Variants in WNT7B observed in about 807,000 individuals in gnomAD.
WNT7B encodes the protein Wnt family member 7B.
WNT7B carries 19 observed loss-of-function variants against 38.2 expected under a neutral mutation model. The ratio of observed to expected loss-of-function variants is 0.50; its 90% CI spans 0.35 to 0.73. WNT7B has a LOEUF of 0.73. Ranked by LOEUF, WNT7B falls within the 30% of genes least tolerant of loss-of-function variation. The pLI is 0.01. For synonymous variants in WNT7B, 243 were observed against 209.3 expected (o/e 1.16, Z -1.39); for missense variants, 423 against 507.9 (o/e 0.83, Z 1.61).
intron 1 of WNT7B, among the ~76,000 whole-genome samples, chr22:45,957,771 T>A (rs1932106976): frequency 6.7e-6 from 1 of 150,152 alleles, no homozygotes; most frequent in African/African-American, 2.4e-5. Context: ...GTGTGCTTTG[T>A]ATGTGCCTAG....
In WNT7B at chr22:45,968,164, GTCT is replaced by G. The variant is rs1396995285; in HGVS notation, c.71+8517_71+8519del. 2.7e-3 allele frequency among the ~76,000 whole-genome samples: 405 copies of G among 152,278 alleles called. 3 individuals are homozygous for G. The highest frequency in any genetic ancestry group is 9.5e-3 in the African/African-American group (393 of 41,546). On this transcript the variant is annotated intron_variant, in intron 1 of 3. Transcript: ENST00000339464. Reference sequence around the variant, plus strand: ...GGGGTCTCTTTCATGTGCCTGTTTAGTCTGGCCAACTCCTATCCATCCTTCAAA... The same window carrying G: ...GGGGTCTCTTTCATGTGCCTGTTTAGGGCCAACTCCTATCCATCCTTCAAA...
Position 45,950,037 on chromosome 22 carries a change from C to A in WNT7B, c.181G>T (p.Val61Leu). Reference protein sequence around the residue: ...ICQSRPDAIIVIGEGAQMGIN... With the variant: ...ICQSRPDAIILIGEGAQMGIN... ...CCCATCTGCGCCCCCTCCCCAATCA[C>A]AATGATGGCATCGGGCCGACTCTGG... The change falls in exon 2 of 4, where the codon GTG (valine) becomes TTG (leucine). Residue 61 changes from valine to leucine, a missense_variant. Physicochemically the swap from Val to Leu is conservative, Grantham distance 32 (BLOSUM62 1). Transcript: ENST00000339464. 2.5e-6 allele frequency: 4 copies of A among 1,614,052 alleles called. No homozygotes were observed. Among genetic ancestry groups the A allele is most frequent in the Non-Finnish European group, 3.4e-6 (4 of 1,180,044 alleles).
chr22:45,926,970 A>AG, intron 3 of WNT7B: 1 of 985,446 alleles, frequency 1.0e-6, no homozygotes, highest in Non-Finnish European at 1.2e-6. Context: ...TGGCCAGCTA[A>AG]GGGGGTTCCC....
chr22:45,955,823 C>T (rs1395124238), intron 1 of WNT7B, among the ~76,000 whole-genome samples: 2 of 152,138 alleles, frequency 1.3e-5, no homozygotes, highest in African/African-American at 2.4e-5. Flanking sequence ...CTCCTCATTC[C>T]CCAGGGACTG....
intron 1 of WNT7B, among the ~76,000 whole-genome samples, chr22:45,974,718 C>A (rs1932517031): frequency 6.6e-6 from 1 of 152,124 alleles, no homozygotes; most frequent in Non-Finnish European, 1.5e-5. Context: ...TTACCCCCTC[C>A]CAGAGGGAGG....
chr22:45,931,449 G>C (rs1363673118), intron 2 of WNT7B, 80 bp from the exon 3 acceptor site: 15 of 1,435,390 alleles, frequency 1.0e-5, no homozygotes, highest in South Asian at 1.4e-5. Context: ...GCCGGGCCTC[G>C]ATCCACCTGC....
chr22:45,928,229 T>TGGTACTCTGTGATGGGGCTA (rs1931155464), intron 3 of WNT7B, among the ~76,000 whole-genome samples: 1 of 152,060 alleles, frequency 6.6e-6, no homozygotes, highest in South Asian at 2.1e-4. Context: ...GGGGCAGGCC[T>TGGTACTCTGTGATGGGGCTA]GGTACTCTGT....
rs28473261 is a variant in WNT7B at position 45,932,606 on chromosome 22, C to T, written c.299-1237G>A. ...ATCTCCAGGCCAGGCCCTGTGCATC[C>T]TTCCATCCTGGCTCTGGACTCTTGG... On this transcript the variant is annotated intron_variant, in intron 2 of 3. Transcript: ENST00000339464. Among the ~76,000 whole-genome samples the T allele has an allele frequency of 1.6e-4, 24 of 152,262 alleles. No individual in the cohort carries two copies. The East Asian group carries it at 4.5e-3, about 28-fold the overall frequency.
chr22:45,964,313 G>A lies in WNT7B; in HGVS notation c.71+12371C>T, dbSNP rs1210414110. On this transcript the variant is annotated intron_variant, in intron 1 of 3. Coordinates refer to ENST00000339464, the MANE Select transcript of WNT7B (RefSeq NM_058238.3). ...GCTCAGAAAGGTGTGCCCAACATGC[G>A]ACTCCATCCCCAGGGCAGTGCTACC... Among the ~76,000 whole-genome samples, 6 of 152,110 alleles carry A rather than the reference G, an allele frequency of 3.9e-5. No homozygotes were observed. The East Asian group carries it at 9.6e-4, about 24-fold the overall frequency.
chr22:45,944,317 C>T (rs1931742660), intron 2 of WNT7B, among the ~76,000 whole-genome samples: 2 of 152,224 alleles, frequency 1.3e-5, no homozygotes, highest in African/African-American at 2.4e-5. Context: ...GCCCACAGGG[C>T]CTCCATGCCA....
rs1931454462 is a variant in WNT7B, at chr22:45,934,224, G to A, written c.299-2855C>T. Among the ~76,000 whole-genome samples, 7 of 152,332 alleles carry A rather than the reference G, an allele frequency of 4.6e-5. No homozygotes were observed. The South Asian group carries it at 1.4e-3, about 32-fold the overall frequency. ...AGGCTGACGGAGGAGCAAAGTGCCTGGGGTCGGGGGCCCTGGAAGGTCCTT... is the reference window on the plus strand; with the variant it reads ...AGGCTGACGGAGGAGCAAAGTGCCTAGGGTCGGGGGCCCTGGAAGGTCCTT... On this transcript the variant is annotated intron_variant, in intron 2 of 3. Coordinates refer to ENST00000339464, the MANE Select transcript of WNT7B (RefSeq NM_058238.3).
At chr22:45,959,001 C>T (rs1284033589) in intron 1 of WNT7B, among the ~76,000 whole-genome samples, 3 of 152,210 alleles carry the variant, frequency 2.0e-5, no homozygotes, top group African/African-American at 7.2e-5. Flanking sequence ...TCCGAGCCCC[C>T]ATAGCTGGGT....
chr22:45,931,164 G>C lies in WNT7B; in HGVS notation c.504C>G (p.Asp168Glu). The C allele has an allele frequency of 1.3e-6, 2 of 1,599,474 alleles. No individual in the cohort carries two copies. Among genetic ancestry groups the C allele is most frequent in the Non-Finnish European group, 1.7e-6 (2 of 1,179,368 alleles). The change falls in exon 3 of 4, where the codon GAC becomes GAG. Residue 168 changes from aspartate (D) to glutamate (E), a missense_variant. Around this residue, in one of 3 missense-constraint regions of WNT7B, gnomAD observed 132 missense variants for 113.4 expected, o/e 1.16. Transcript: ENST00000339464. ...GCGCGTTCTTCTTGATCTCCCGAGC[G>C]TCCACGAAGCGCCGGGAGAAGTCGA... ...YGIDFSRRFV[D>E]AREIKKNARR...
At chr22:45,937,738 G>A (rs960065659) in intron 2 of WNT7B, among the ~76,000 whole-genome samples, 14 of 152,330 alleles carry the variant, frequency 9.2e-5, no homozygotes, top group East Asian at 5.8e-4. Context: ...CGGGCACAGC[G>A]GCTCACGCCT....
intron 1 of WNT7B, among the ~76,000 whole-genome samples, chr22:45,963,406 A>T (rs1224636318): frequency 1.3e-5 from 2 of 152,092 alleles, no homozygotes; most frequent in Non-Finnish European, 2.9e-5. Flanking sequence ...TCTGCCTCTC[A>T]TCAGCCTGGC....
chr22:45,949,819 A>T, intron 2 of WNT7B, 101 bp downstream of exon 2: 3 of 1,158,916 alleles, frequency 2.6e-6, no homozygotes, highest in South Asian at 3.1e-5. Context: ...CCCCCAGGAG[A>T]TGTGTGCAGA....
chr22:45,925,268 T>G (rs1601713383), intron 3 of WNT7B: 3 of 984,990 alleles, frequency 3.0e-6, no homozygotes, highest in Non-Finnish European at 3.6e-6. Flanking sequence ...GGCAGGTGGG[T>G]GCCGGGTGGG....
At chr22:45,929,353 T>TATCC (rs1238828185) in intron 3 of WNT7B, among the ~76,000 whole-genome samples, 1 of 151,400 alleles carries the variant, frequency 6.6e-6, no homozygotes, top group Admixed American at 6.6e-5. Context: ...CTCATTCCTT[T>TATCC]ATCCATCCAT....
intron 1 of WNT7B, among the ~76,000 whole-genome samples, chr22:45,972,994 G>T (rs893804653): frequency 2.6e-5 from 4 of 152,228 alleles, no homozygotes; most frequent in African/African-American, 9.6e-5. Context: ...GCTGTGGGTC[G>T]CACACAGGCA....
Sources: gnomAD v4.1 joint callset for allele counts (sites outside exome capture counted in the v4.1 genomes callset) on GRCh38, gnomAD v4.1.1 for gene constraint, gnomAD v4.1.1 regional missense constraint, MANE v1.5 for transcripts, NCBI Gene and HGNC (gene_info 2026-07-23, HGNC 2026-07-21) for gene names.